The following FBXL20 variants were observed in gnomAD, a reference collection of about 807,000 sequenced individuals.
FBXL20 encodes F-box and leucine rich repeat protein 20.
In FBXL20, 11 loss-of-function variants were observed where a neutral mutation model predicts 64.0. The observed-to-expected ratio is 0.17, with a 90% CI of 0.11 to 0.28. FBXL20 has a LOEUF of 0.28. Among genes scored for constraint, FBXL20 ranks in the 10% least tolerant of loss-of-function variants. FBXL20 has a pLI of 1.00. For synonymous variants in FBXL20, 184 were observed against 189.0 expected, an observed-to-expected ratio of 0.97 and a Z score of 0.22; for missense variants, 303 against 526.2, an observed-to-expected ratio of 0.58 and a Z score of 4.15.
At chr17:39,341,352 C>T (rs1481428051) in intron 2 of FBXL20, among the ~76,000 whole-genome samples, 2 of 152,082 alleles carry the variant, frequency 1.3e-5, no homozygotes, top group African/African-American at 2.4e-5. Flanking sequence ...TCCAATATAA[C>T]ACATATAAAT....
intron 1 of FBXL20, among the ~76,000 whole-genome samples, chr17:39,377,367 C>T (rs773074518): frequency 6.6e-6 from 1 of 152,142 alleles, no homozygotes; most frequent in African/African-American, 2.4e-5. Context: ...ACCAAGCTGT[C>T]CTTAAAAACT....
At chr17:39,373,360 T>TG (rs1293005534) in intron 1 of FBXL20, among the ~76,000 whole-genome samples, 1 of 152,214 alleles carries the variant, frequency 6.6e-6, no homozygotes, top group East Asian at 1.9e-4. Flanking sequence ...GTTCTCCATT[T>TG]CTTCAGGGCC....
intron 14 of FBXL20, among the ~76,000 whole-genome samples, chr17:39,263,052 GTCTC>G (rs1467651920): frequency 2.0e-5 from 3 of 151,612 alleles, no homozygotes; most frequent in Admixed American, 6.6e-5. Flanking sequence ...CTATACCTGG[GTCTC>G]TCTATTATGG....
intron 2 of FBXL20, among the ~76,000 whole-genome samples, chr17:39,338,368 T>A: frequency 1.3e-5 from 2 of 151,842 alleles, no homozygotes; most frequent in African/African-American, 4.9e-5. Context: ...CACCACTCCC[T>A]AATCTCAAGT....
At chr17:39,384,353 C>T (rs982864060) in intron 1 of FBXL20, among the ~76,000 whole-genome samples, 3 of 151,838 alleles carry the variant, frequency 2.0e-5, no homozygotes, top group East Asian at 1.9e-4. Context: ...GGTGAAACCC[C>T]GTCTCTATTA....
At chr17:39,286,435 C>T (rs139711596) in intron 6 of FBXL20, among the ~76,000 whole-genome samples, 2,175 of 152,134 alleles carry the variant, frequency 0.014, 53 homozygotes, top group African/African-American at 0.049. Flanking sequence ...GGCTGGTCTC[C>T]AACTCCGGGC....
At chr17:39,396,350 C>G (rs572471569) in intron 1 of FBXL20, among the ~76,000 whole-genome samples, 2 of 152,154 alleles carry the variant, frequency 1.3e-5, no homozygotes, top group South Asian at 4.2e-4. Context: ...AATCCCAGCA[C>G]TTCGGGAGGC....
chr17:39,349,259 A>G (rs1243883119), intron 1 of FBXL20, among the ~76,000 whole-genome samples: 2 of 150,556 alleles, frequency 1.3e-5, no homozygotes, highest in African/African-American at 2.4e-5. Context: ...CTCAAAATAA[A>G]TAAGCAAATA....
In FBXL20 at chr17:39,306,561, A is replaced by G. The variant is rs570889080; in HGVS notation, c.105-2922T>C. On this transcript the variant is annotated intron_variant, in intron 2 of 14. Coordinates refer to ENST00000264658, the MANE Select transcript of FBXL20 (RefSeq NM_032875.3). The stretch of plus-strand genomic sequence containing the variant: ...TGGCATTTTTGACAAAAATCATTTG[A>G]CCATATATGTGAAGGTTTATTTCTG... 6.6e-5 allele frequency among the ~76,000 whole-genome samples: 10 copies of G among 152,280 alleles called. No individual in the cohort carries two copies. In the South Asian group the frequency reaches 1.5e-3, roughly 22 times the overall value.
intron 1 of FBXL20, among the ~76,000 whole-genome samples, chr17:39,361,776 G>A (rs1283706140): frequency 1.3e-5 from 2 of 151,762 alleles, no homozygotes; most frequent in Non-Finnish European, 2.9e-5. Context: ...CAGCCTTAGC[G>A]ACAGAGCGAG....
At chr17:39,364,337 G>A (rs1194907596) in intron 1 of FBXL20, among the ~76,000 whole-genome samples, 1 of 152,198 alleles carries the variant, frequency 6.6e-6, no homozygotes, top group Non-Finnish European at 1.5e-5. Flanking sequence ...GTGGGGCTGG[G>A]TGCAGTGGCT....
Position 39,270,553 on chromosome 17 carries a change from T to A in FBXL20, c.888+243A>T, listed in dbSNP as rs147957051. On this transcript the variant is annotated intron_variant, in intron 11 of 14. Transcript: ENST00000264658. Reference sequence around the variant, plus strand: ...AGCGAGACCCCATCTCAAAAAAATTTAAAAAAAATTGTTTAAAAAGTATCA... The same window carrying A: ...AGCGAGACCCCATCTCAAAAAAATTAAAAAAAAATTGTTTAAAAAGTATCA... Among the ~76,000 whole-genome samples, 497 of 151,926 alleles carry A rather than the reference T, an allele frequency of 3.3e-3. 2 individuals carry two copies. The highest frequency in any genetic ancestry group is 0.011 in the African/African-American group (435 of 41,424).
chr17:39,367,187 A>C (rs1490531018), intron 1 of FBXL20, among the ~76,000 whole-genome samples: 1 of 152,058 alleles, frequency 6.6e-6, no homozygotes, highest in Non-Finnish European at 1.5e-5. Flanking sequence ...CCAGCCTATC[A>C]GTCCTTTCAA....
intron 2 of FBXL20, among the ~76,000 whole-genome samples, chr17:39,313,312 C>T (rs1233451430): frequency 6.6e-6 from 1 of 151,840 alleles, no homozygotes; most frequent in African/African-American, 2.4e-5. Flanking sequence ...CGGATCACTG[C>T]AACCTCCACC....
chr17:39,315,816 T>TGAGA (rs1350670159), intron 2 of FBXL20, among the ~76,000 whole-genome samples: 2 of 61,286 alleles, frequency 3.3e-5, no homozygotes, highest in African/African-American at 6.2e-5. Context: ...TGAGAGAGAG[T>TGAGA]GAGAGAGAGA....
At chr17:39,332,762 C>T (rs1327564211) in intron 2 of FBXL20, among the ~76,000 whole-genome samples, 2 of 151,832 alleles carry the variant, frequency 1.3e-5, no homozygotes, top group Admixed American at 6.6e-5. Flanking sequence ...AGAATGGTCC[C>T]GATCTCCTGA....
intron 1 of FBXL20, among the ~76,000 whole-genome samples, chr17:39,399,226 T>C (rs1199918390): frequency 1.3e-5 from 2 of 152,184 alleles, no homozygotes; most frequent in Non-Finnish European, 2.9e-5. Flanking sequence ...TGAGATCTGC[T>C]ATCTGCTTAC....
Position 39,400,103 on chromosome 17 carries a change from A to C in FBXL20, c.42+1258T>G, listed in dbSNP as rs536553516. On this transcript the variant is annotated intron_variant, in intron 1 of 14. Coordinates refer to ENST00000264658, the MANE Select transcript of FBXL20 (RefSeq NM_032875.3). ...TATTAAACACCAAATAATATATTCCATAACATTTTCTTCTAGTGATCAAGT... is the reference window on the plus strand; with the variant it reads ...TATTAAACACCAAATAATATATTCCCTAACATTTTCTTCTAGTGATCAAGT... Among the ~76,000 whole-genome samples the C allele has an allele frequency of 9.2e-5, 14 of 152,306 alleles. No homozygotes were observed. In the South Asian group the frequency reaches 2.9e-3, roughly 32 times the overall value.
At chr17:39,374,689 A>T (rs1444727881) in intron 1 of FBXL20, among the ~76,000 whole-genome samples, 2 of 152,326 alleles carry the variant, frequency 1.3e-5, no homozygotes, top group East Asian at 3.9e-4. Context: ...TAAACCTAAA[A>T]CTGAAAATAA....
Sources: allele counts gnomAD v4.1 joint callset (sites outside exome capture counted in the v4.1 genomes callset), GRCh38; gene constraint gnomAD v4.1.1; transcripts MANE v1.5; gene names NCBI Gene and HGNC (gene_info 2026-07-23, HGNC 2026-07-21).